The following FAM53A variants were observed in gnomAD, a reference collection of about 807,000 sequenced individuals.
FAM53A encodes the protein family with sequence similarity 53 member A.
FAM53A carries 28 observed loss-of-function variants against 26.6 expected under a neutral mutation model. That is an observed-to-expected ratio of 1.05 (90% CI 0.78 to 1.45). FAM53A has a LOEUF of 1.45. Ranked by LOEUF, FAM53A falls within the 40% of genes most tolerant of loss-of-function variation. FAM53A has a pLI of 0.00. For synonymous variants in FAM53A, 290 were observed against 253.1 expected (o/e 1.15, Z -1.38); for missense variants, 650 against 575.8 (o/e 1.13, Z -1.32).
the FAM53A span, among the ~76,000 whole-genome samples, chr4:1,587,247 ACTTCCAATTAT>A: frequency 5.3e-5 from 8 of 152,134 alleles, no homozygotes; most frequent in Admixed American, 2.6e-4. Context: ...AGTGTGACAT[ACTTCCAATTAT>A]CTATTTTCTC....
chr4:1,644,315 ACTCGCACTCGCGGGCACAGCT>A (rs1327364210), intron 4 of FAM53A: 1 of 1,535,830 alleles, frequency 6.5e-7, no homozygotes, highest in Admixed American at 2.0e-5. Context: ...CGGACGCGGG[ACTCGCACTCGCGGGCACAGCT>A]GTGCGGCTAG....
intron 1 of FAM53A, among the ~76,000 whole-genome samples, chr4:1,673,784 C>A (rs1714845450): frequency 6.6e-6 from 1 of 152,248 alleles, no homozygotes; most frequent in Admixed American, 6.5e-5. Context: ...GGGCAAGTGT[C>A]CAGCAGCGCC....
Position 1,641,444 on chromosome 4 carries a change from TG to T in FAM53A, c.1045del (p.His349ThrfsTer11), listed in dbSNP as rs1711710559. On this transcript the variant is annotated frameshift_variant, in exon 5 of 5. Transcript: ENST00000308132. LOFTEE classifies it low-confidence loss of function (END_TRUNC). ...SQRGLRTSPV[H>X]PNLWASRESV... ...CTCCCTAGAGGCCCACAGGTTGGGG[TG>T]GACAGGGCTGGTCCTGAGGCCCCTC... 1.2e-6 allele frequency: 2 copies of T among 1,613,390 alleles called. No homozygotes were observed. The highest frequency in any genetic ancestry group is 1.7e-6 in the Non-Finnish European group (2 of 1,179,782).
intron 2 of FAM53A, among the ~76,000 whole-genome samples, chr4:1,660,439 A>T (rs1713743407): frequency 6.6e-6 from 1 of 152,082 alleles, no homozygotes; most frequent in Non-Finnish European, 1.5e-5. Flanking sequence ...TCTACAAAAA[A>T]AAAAGCAGAT....
chr4:1,685,077 G>GA (rs1472129375), upstream of FAM53A, among the ~76,000 whole-genome samples: 4 of 152,148 alleles, frequency 2.6e-5, no homozygotes. Flanking sequence ...TCCCGTGCTG[G>GA]GGCTCGGGTG....
In FAM53A at chr4:1,621,601, G is replaced by A. The variant is rs530992340; in HGVS notation, c.432-3490C>T. ...CACAGCGGGGAGCGAAGATGGTGAG[G>A]GAATCAGGATTAGCTCCACTGGGTC... On this transcript the variant is annotated intron_variant, in intron 1 of 1. Coordinates refer to the FAM53A transcript ENST00000489029. 4.6e-5 allele frequency among the ~76,000 whole-genome samples: 7 copies of A among 152,312 alleles called. No individual in the cohort carries two copies. In the South Asian group the frequency reaches 1.5e-3, roughly 32 times the overall value.
At chr4:1,622,352 C>G (rs903378770) in intron 1 of FAM53A, among the ~76,000 whole-genome samples, 2 of 152,130 alleles carry the variant, frequency 1.3e-5, no homozygotes, top group Non-Finnish European at 2.9e-5. Flanking sequence ...GCAGGAGCCC[C>G]CCGGCTGAAG....
At chr4:1,595,258 A>G in the FAM53A span, among the ~76,000 whole-genome samples, 1 of 152,342 alleles carries the variant, frequency 6.6e-6, no homozygotes, top group African/African-American at 2.4e-5. Flanking sequence ...GGGGTGCAAG[A>G]AGGCGGGCAG....
At chr4:1,611,275 C>T in the FAM53A span, among the ~76,000 whole-genome samples, 1 of 152,164 alleles carries the variant, frequency 6.6e-6, no homozygotes, top group South Asian at 2.1e-4. Flanking sequence ...GGTGTGGGGT[C>T]TGTCCGTGGG....
rs1003290255 is a variant in FAM53A, at chr4:1,640,032, C to A, written c.*1261G>T. 2.0e-5 allele frequency: 3 copies of A among 152,208 alleles called. No individual in the cohort carries two copies. Among genetic ancestry groups the A allele is most frequent in the African/African-American group, 2.4e-5 (1 of 41,450 alleles). 9.4% of individuals were successfully genotyped at this position (152,208 alleles called of 1,614,324 possible). On this transcript the variant is annotated 3_prime_UTR_variant, in exon 5 of 5. Transcript: ENST00000308132. ...CCAGGCCCACTTCAGATGGTGGAAA[C>A]GAAAATTAATCAGAAGTCGTATGCA...
the FAM53A span, among the ~76,000 whole-genome samples, chr4:1,603,110 G>A: frequency 2.0e-5 from 3 of 152,222 alleles, no homozygotes; most frequent in Admixed American, 6.5e-5. Context: ...GCTCCTGCTC[G>A]GTGGGAAGCC....
At chr4:1,643,721 C>T (rs749141328) in intron 4 of FAM53A, among the ~76,000 whole-genome samples, 1 of 151,836 alleles carries the variant, frequency 6.6e-6, no homozygotes, top group East Asian at 2.0e-4. Context: ...TACATACCAT[C>T]ATGCCGGTCT....
the FAM53A span, among the ~76,000 whole-genome samples, chr4:1,610,863 G>A: frequency 6.6e-6 from 1 of 152,118 alleles, no homozygotes; most frequent in African/African-American, 2.4e-5. Context: ...CCCCAACCCG[G>A]GCCCCGGCTG....
chr4:1,643,121 A>G (rs1418213103), intron 4 of FAM53A, among the ~76,000 whole-genome samples: 1 of 152,190 alleles, frequency 6.6e-6, no homozygotes, highest in Non-Finnish European at 1.5e-5. Context: ...ATAAAAGCAC[A>G]TGGCCCTCGG....
At chr4:1,662,282 C>G (rs1440037355) in intron 2 of FAM53A, among the ~76,000 whole-genome samples, 2 of 151,932 alleles carry the variant, frequency 1.3e-5, no homozygotes, top group Non-Finnish European at 2.9e-5. Flanking sequence ...AGTTCAAGAC[C>G]AGCCTGGCCA....
intron 1 of FAM53A, among the ~76,000 whole-genome samples, chr4:1,623,038 C>T (rs1204589402): frequency 6.6e-6 from 1 of 152,224 alleles, no homozygotes; most frequent in Non-Finnish European, 1.5e-5. Context: ...TGAAGCAGCC[C>T]CCACGGTCAC....
the FAM53A span, among the ~76,000 whole-genome samples, chr4:1,598,987 C>A: frequency 2.6e-5 from 4 of 152,276 alleles, no homozygotes; most frequent in Non-Finnish European, 5.9e-5. Flanking sequence ...CTGTAGCGTG[C>A]GCAGGGGTGC....
chr4:1,581,613 T>G, the FAM53A span, among the ~76,000 whole-genome samples: 9 of 152,220 alleles, frequency 5.9e-5, no homozygotes, highest in African/African-American at 2.4e-5. Context: ...GTTTTGTTTT[T>G]AAGACAGAGC....
the FAM53A span, among the ~76,000 whole-genome samples, chr4:1,593,578 A>G: frequency 6.6e-6 from 1 of 152,132 alleles, no homozygotes; most frequent in Non-Finnish European, 1.5e-5. Flanking sequence ...GGGATGAGGG[A>G]TGGCGTCATT....
Sources: gnomAD v4.1 joint callset for allele counts (sites outside exome capture counted in the v4.1 genomes callset) on GRCh38, gnomAD v4.1.1 for gene constraint, MANE v1.5 for transcripts, NCBI Gene and HGNC (gene_info 2026-07-23, HGNC 2026-07-21) for gene names.